The following IST1 variants were observed in gnomAD, a reference collection of about 807,000 sequenced individuals.
IST1 encodes the protein IST1 factor associated with ESCRT-III, also known as IST1 homolog.
Under a neutral mutation model 37.0 loss-of-function variants are expected in IST1, and 23 were observed. The observed-to-expected ratio is 0.62, with a 90% CI of 0.45 to 0.88. IST1 has a LOEUF of 0.88. Ranked by LOEUF, IST1 falls within the 40% of genes least tolerant of loss-of-function variation. The pLI is 0.00. For synonymous variants in IST1, 180 were observed against 161.7 expected (o/e 1.11, Z -0.86); for missense variants, 488 against 445.4 (o/e 1.10, Z -0.86).
chr16:71,911,410 G>A (rs1372297529), intron 1 of IST1, among the ~76,000 whole-genome samples: 3 of 150,772 alleles, frequency 2.0e-5, no homozygotes, highest in African/African-American at 7.3e-5. Flanking sequence ...GTTCACGCCT[G>A]TAATCCCAGA....
chr16:71,903,361 T>C (rs2037151099), intron 1 of IST1: 1 of 152,090 alleles, frequency 6.6e-6, no homozygotes, highest in Admixed American at 6.6e-5. Flanking sequence ...ATTCGTTACA[T>C]ATATATATTT....
At chr16:71,908,784 C>T (rs2037285418) in intron 1 of IST1, among the ~76,000 whole-genome samples, 1 of 152,152 alleles carries the variant, frequency 6.6e-6, no homozygotes, top group Non-Finnish European at 1.5e-5. Flanking sequence ...TTCCGGGTTT[C>T]AGCCTGCTGT....
chr16:71,898,962 C>T (rs1286663099), intron 1 of IST1, among the ~76,000 whole-genome samples: 2 of 44,168 alleles, frequency 4.5e-5, no homozygotes. Context: ...AAGCCTCTAT[C>T]TCAAAAAAAA....
At chr16:71,908,480 C>T (rs577068622) in intron 1 of IST1, among the ~76,000 whole-genome samples, 114 of 151,430 alleles carry the variant, frequency 7.5e-4, no homozygotes, top group Non-Finnish European at 8.4e-4. Flanking sequence ...TTGTATTTTT[C>T]ATAGAAGAGT....
At chr16:71,924,051 G>T (rs1179359347) in intron 8 of IST1, 1 of 448,560 alleles carries the variant, frequency 2.2e-6, no homozygotes. Flanking sequence ...TCCTGTTCCT[G>T]AGCTTGCTTT....
At chr16:71,914,464 G>A (rs959478226) in intron 1 of IST1, among the ~76,000 whole-genome samples, 1 of 152,082 alleles carries the variant, frequency 6.6e-6, no homozygotes, top group Non-Finnish European at 1.5e-5. Context: ...CCAGCAAGGA[G>A]TGTACCTTAA....
rs1048704208 is a variant in IST1, at chr16:71,930,130, G to C, written c.*2317G>C. 2 of 1,551,564 alleles carry C rather than the reference G, an allele frequency of 1.3e-6. No individual in the cohort carries two copies. The highest frequency in any genetic ancestry group is 2.0e-5 in the Admixed American group (1 of 50,980). ...GATTAATTACCACAAGTACCATCAA[G>C]ATGACACTGGTGAGGATCAGAAAGG... On this transcript the variant is annotated 3_prime_UTR_variant, in exon 10 of 10. Coordinates refer to ENST00000378799, the MANE Select transcript of IST1 (RefSeq NM_001270975.2).
chr16:71,929,974 C>T lies in IST1; in HGVS notation c.*2161C>T. ...TACTGTGCATTATAAATTATGTCAG[C>T]CCGTCATCTTAGGGGCAGTTACAGT... On this transcript the variant is annotated 3_prime_UTR_variant, in exon 10 of 10. Coordinates refer to ENST00000378799, the MANE Select transcript of IST1 (RefSeq NM_001270975.2). 1 of 1,411,848 alleles carries T rather than the reference C, an allele frequency of 7.1e-7. No homozygotes were observed. The highest frequency in any genetic ancestry group is 9.5e-7 in the Non-Finnish European group (1 of 1,054,640). The allele number at this position is 1,411,848 out of a possible 1,614,324, so 87.5% of individuals were successfully genotyped here.
At chr16:71,920,111 GTT>G (rs2037547035) in intron 4 of IST1, among the ~76,000 whole-genome samples, 1 of 152,166 alleles carries the variant, frequency 6.6e-6, no homozygotes, top group Admixed American at 6.5e-5. Context: ...GGTTTTAAAA[GTT>G]TTTAAAATAG....
chr16:71,924,540 G>T, intron 8 of IST1: 2 of 586,568 alleles, frequency 3.4e-6, no homozygotes, highest in Non-Finnish European at 6.1e-6. Context: ...GTGGTGAGCC[G>T]TGATTGTATC....
Position 71,923,357 on chromosome 16 carries a change from G to C in IST1, c.829G>C (p.Ala277Pro), listed in dbSNP as rs781244844. Residue 277 changes from alanine (A) to proline (P), a missense_variant, in exon 8 of 10, where the codon GCA becomes CCA. By Grantham distance (27) the Ala-to-Pro change is conservative. Coordinates refer to ENST00000378799, the MANE Select transcript of IST1 (RefSeq NM_001270975.2). The part of the protein sequence containing the change: ...FPNIHPPQIP[A>P]TPPSYESVDD... ...CAATATTCATCCACCTCAGATACCAGCAACTCCCCCATCGTATGAATCTGT... is the reference window on the plus strand; with the variant it reads ...CAATATTCATCCACCTCAGATACCACCAACTCCCCCATCGTATGAATCTGT... 12 of 1,608,726 alleles carry C rather than the reference G, an allele frequency of 7.5e-6. No individual in the cohort carries two copies. The highest frequency in any genetic ancestry group is 1.0e-5 in the Non-Finnish European group (12 of 1,175,420).
At chr16:71,908,368 C>T (rs1461025125) in intron 1 of IST1, among the ~76,000 whole-genome samples, 3 of 131,630 alleles carry the variant, frequency 2.3e-5, no homozygotes, top group African/African-American at 8.4e-5. Flanking sequence ...GGCACGATCT[C>T]GGCTCACTGC....
chr16:71,901,803 C>T (rs1389604310), intron 1 of IST1, among the ~76,000 whole-genome samples: 1 of 152,114 alleles, frequency 6.6e-6, no homozygotes, highest in African/African-American at 2.4e-5. Flanking sequence ...TACTAATTAA[C>T]ATAATACATG....
chr16:71,917,259 G>T, intron 4 of IST1, 125 bp downstream of exon 4: 1 of 579,304 alleles, frequency 1.7e-6, no homozygotes, highest in Non-Finnish European at 2.9e-6. Context: ...TTTTGAAATA[G>T]GTTTTGTAAA....
Position 71,927,825 on chromosome 16 carries a change from C to T in IST1, c.*12C>T, listed in dbSNP as rs1338137921. On this transcript the variant is annotated 3_prime_UTR_variant, in exon 10 of 10. Coordinates refer to ENST00000378799, the MANE Select transcript of IST1 (RefSeq NM_001270975.2). ...AAAAGAAAACATAGGTCTCTTAAAC[C>T]AGGCAACTTTCACGTTTTGGGAGTT... 1.2e-6 allele frequency: 2 copies of T among 1,604,344 alleles called. No individual in the cohort carries two copies. Among genetic ancestry groups the T allele is most frequent in the Non-Finnish European group, 1.7e-6 (2 of 1,172,368 alleles).
Position 71,929,239 on chromosome 16 carries a change from T to C in IST1, c.*1426T>C, listed in dbSNP as rs1162079010. The C allele has an allele frequency of 1.3e-5, 3 of 234,162 alleles. No homozygotes were observed. Among genetic ancestry groups the C allele is most frequent in the Non-Finnish European group, 2.5e-5 (3 of 118,940 alleles). The allele number at this position is 234,162 out of a possible 1,614,324, so 14.5% of individuals were successfully genotyped here. A position where few individuals can be genotyped will look rare whatever the true frequency, so the allele number is the denominator to read the frequency against. ...CCATGCCTCATCCTTGGATGTTTAT[T>C]TTTAGTAAGTTGCAGTGAGCTCACT... is the stretch of plus-strand genomic sequence containing the variant. On this transcript the variant is annotated 3_prime_UTR_variant, in exon 10 of 10. Coordinates refer to ENST00000378799, the MANE Select transcript of IST1 (RefSeq NM_001270975.2).
At chr16:71,925,240 C>T (rs1275188433) in intron 9 of IST1, among the ~76,000 whole-genome samples, 1 of 151,678 alleles carries the variant, frequency 6.6e-6, no homozygotes, top group Non-Finnish European at 1.5e-5. Context: ...GTCTCGATCT[C>T]CTGACCTTGT....
Position 71,931,062 on chromosome 16 carries a change from C to T in IST1, c.*3249C>T, listed in dbSNP as rs958381387. 2.7e-5 allele frequency: 4 copies of T among 149,960 alleles called. No homozygotes were observed. The highest frequency in any genetic ancestry group is 4.5e-5 in the Non-Finnish European group (3 of 67,380). The allele number at this position is 149,960 out of a possible 1,614,324, so 9.3% of individuals were successfully genotyped here. Reference sequence around the variant, plus strand: ...TTTCCAATAAGTTTATTTTTATGTACAATTTTACTGTTTATTTTTTGTTTG... The same window carrying T: ...TTTCCAATAAGTTTATTTTTATGTATAATTTTACTGTTTATTTTTTGTTTG... On this transcript the variant is annotated 3_prime_UTR_variant, in exon 10 of 10. Coordinates refer to ENST00000378799, the MANE Select transcript of IST1 (RefSeq NM_001270975.2).
intron 1 of IST1, among the ~76,000 whole-genome samples, chr16:71,908,026 C>T (rs774205413): frequency 3.2e-4 from 49 of 152,194 alleles, no homozygotes; most frequent in Non-Finnish European, 2.9e-4. Flanking sequence ...TCCACTTCAC[C>T]GTCCGCCTCC....
Sources: allele counts gnomAD v4.1 joint callset (sites outside exome capture counted in the v4.1 genomes callset), GRCh38; gene constraint gnomAD v4.1.1; transcripts MANE v1.5; gene names NCBI Gene and HGNC (gene_info 2026-07-23, HGNC 2026-07-21).